Variants in IRAG1 observed in about 807,000 individuals in gnomAD.
The protein encoded by IRAG1 is inositol 1,4,5-triphosphate receptor associated 1.
In IRAG1, 62 loss-of-function variants were observed where a neutral mutation model predicts 106.2. The observed-to-expected ratio is 0.58, with a 90% confidence interval of 0.48 to 0.72. The LOEUF (loss-of-function observed/expected upper bound fraction) is 0.72. IRAG1 is among the 30% of genes least tolerant of loss of function. IRAG1 has a pLI of 0.00. For synonymous variants in IRAG1, 462 were observed against 443.9 expected (o/e 1.04, Z -0.51); for missense variants, 1,064 against 1,140.7 (o/e 0.93, Z 0.97).
chr11:10,654,817 C>A (rs957722299), intron 1 of IRAG1, among the ~76,000 whole-genome samples: 1 of 152,154 alleles, frequency 6.6e-6, no homozygotes, highest in African/African-American at 2.4e-5. Context: ...AGCTGGGTGT[C>A]TAGTGGGGAA....
intron 2 of IRAG1, among the ~76,000 whole-genome samples, chr11:10,644,722 A>G (rs1418603305): frequency 1.3e-5 from 2 of 152,194 alleles, no homozygotes; most frequent in Non-Finnish European, 1.5e-5. Context: ...ACCAGGTTCC[A>G]AGTGTTTTAC....
chr11:10,617,641 G>T (rs1855531323), intron 10 of IRAG1, among the ~76,000 whole-genome samples: 1 of 152,156 alleles, frequency 6.6e-6, no homozygotes, highest in African/African-American at 2.4e-5. Context: ...CTTTCCGTGG[G>T]CATTTGACAT....
chr11:10,627,077 T>C (rs1856298149), intron 8 of IRAG1, among the ~76,000 whole-genome samples: 1 of 152,176 alleles, frequency 6.6e-6, no homozygotes, highest in Admixed American at 6.5e-5. Flanking sequence ...GCAAAGGTGA[T>C]GTCTTCCTGC....
intron 20 of IRAG1, among the ~76,000 whole-genome samples, chr11:10,578,405 CAA>C (rs1258171682): frequency 1.3e-5 from 2 of 152,182 alleles, no homozygotes; most frequent in Non-Finnish European, 2.9e-5. Flanking sequence ...GGGGTTTACC[CAA>C]AGTTTATTTA....
chr11:10,685,541 C>T (rs1861604702), intron 1 of IRAG1, among the ~76,000 whole-genome samples: 1 of 151,926 alleles, frequency 6.6e-6, no homozygotes, highest in Non-Finnish European at 1.5e-5. Flanking sequence ...TAGCAAGACC[C>T]TGTCTCTAAA....
At chr11:10,619,198 C>T (rs1855655051) in intron 10 of IRAG1, among the ~76,000 whole-genome samples, 2 of 152,212 alleles carry the variant, frequency 1.3e-5, no homozygotes, top group Admixed American at 1.3e-4. Context: ...GAGAAGGGAA[C>T]TGATTGGGTT....
intron 1 of IRAG1, chr11:10,687,496 A>T (rs1032485913): frequency 2.9e-6 from 1 of 344,564 alleles, no homozygotes; most frequent in African/African-American, 2.2e-5. Flanking sequence ...GCAATATTAG[A>T]AAACCTACTT....
chr11:10,673,144 T>G (rs1024125246), intron 1 of IRAG1, among the ~76,000 whole-genome samples: 5 of 152,000 alleles, frequency 3.3e-5, no homozygotes, highest in Non-Finnish European at 7.4e-5. Flanking sequence ...TTAGCTGGGC[T>G]TGGTGCCGTG....
rs11403147 is a variant in IRAG1, at chr11:10,685,726, GAAA to G, written c.67+7807_67+7809del. On this transcript the variant is annotated intron_variant, in intron 1 of 20. Transcript: ENST00000423302. ...GTCAGAGTGAGACCCTGCCTCTCTT[GAAA>G]AAAAAAAAAAAAAATTGTATACTTC... Among the ~76,000 whole-genome samples the G allele has an allele frequency of 4.3e-4, 59 of 135,822 alleles. 1 individual carries two copies. The East Asian group carries it at 6.9e-3, about 16-fold the overall frequency. 89.1% of individuals were successfully genotyped at this position (135,822 alleles called of 152,430 possible).
At chr11:10,581,799 A>G in intron 19 of IRAG1, 68 bp downstream of exon 19, 1 of 1,570,954 alleles carries the variant, frequency 6.4e-7, no homozygotes, top group Non-Finnish European at 8.6e-7. Flanking sequence ...AAGAAACAAG[A>G]AAGACCCATG....
intron 2 of IRAG1, among the ~76,000 whole-genome samples, chr11:10,640,404 C>T (rs7944136): frequency 0.065 from 9,837 of 152,310 alleles, 395 homozygotes; most frequent in Admixed American, 0.12. Flanking sequence ...AGGTTCTTCA[C>T]ACTTGCCTTC....
chr11:10,616,761 G>A (rs1855465060), intron 10 of IRAG1, among the ~76,000 whole-genome samples: 1 of 152,070 alleles, frequency 6.6e-6, no homozygotes, highest in Non-Finnish European at 1.5e-5. Flanking sequence ...TTCTGTATTA[G>A]TGGGGAAGGA....
chr11:10,575,234 T>C lies in IRAG1; in HGVS notation c.*1098A>G, dbSNP rs1391631904. ...TGGGGATGCTCTGAAACACCCCTAA[T>C]TATACTGGGGTTGGAAACCCCATTT... On this transcript the variant is annotated 3_prime_UTR_variant, in exon 21 of 21. Coordinates refer to ENST00000423302, the MANE Select transcript of IRAG1 (RefSeq NM_130385.4). The C allele has an allele frequency of 6.6e-6, 1 of 152,214 alleles. No homozygotes were observed. Among genetic ancestry groups the C allele is most frequent in the Non-Finnish European group, 1.5e-5 (1 of 68,042 alleles). The allele number at this position is 152,214 out of a possible 1,614,324, so 9.4% of individuals were successfully genotyped here.
At chr11:10,689,656 C>T (rs907162645) in intron 1 of IRAG1, among the ~76,000 whole-genome samples, 1 of 151,958 alleles carries the variant, frequency 6.6e-6, no homozygotes, top group Non-Finnish European at 1.5e-5. Context: ...AATTGTTGCA[C>T]GGCTAAAATG....
chr11:10,690,271 T>G (rs1212367055), intron 1 of IRAG1: 1 of 579,220 alleles, frequency 1.7e-6, no homozygotes, highest in Non-Finnish European at 2.7e-6. Context: ...TCACCTGTAA[T>G]CCCAGCTACT....
intron 10 of IRAG1, 27 bp downstream of exon 10, chr11:10,623,751 G>A (rs767611907): frequency 6.2e-7 from 1 of 1,608,522 alleles, no homozygotes; most frequent in East Asian, 2.2e-5. Context: ...CACTCGCTGA[G>A]ACAGCATCTG....
chr11:10,615,014 GA>G (rs1447380359), intron 10 of IRAG1, among the ~76,000 whole-genome samples: 3 of 152,092 alleles, frequency 2.0e-5, no homozygotes, highest in Non-Finnish European at 2.9e-5. Flanking sequence ...CAGAACAGGA[GA>G]AAATTTTTGC....
intron 10 of IRAG1, among the ~76,000 whole-genome samples, chr11:10,614,866 G>A (rs1205240586): frequency 6.6e-6 from 1 of 152,142 alleles, no homozygotes; most frequent in Non-Finnish European, 1.5e-5. Context: ...ATACCATTCA[G>A]GACATAGGCA....
intron 2 of IRAG1, among the ~76,000 whole-genome samples, chr11:10,638,794 A>G (rs1380190092): frequency 2.0e-5 from 3 of 152,222 alleles, no homozygotes; most frequent in Admixed American, 1.3e-4. Context: ...TGGGCCAAAC[A>G]TGAGCTAATT....
Sources: gnomAD v4.1 joint callset for allele counts (sites outside exome capture counted in the v4.1 genomes callset) on GRCh38, gnomAD v4.1.1 for gene constraint, MANE v1.5 for transcripts, NCBI Gene and HGNC (gene_info 2026-07-23, HGNC 2026-07-21) for gene names.